CACNB2: variants seen among roughly 807,000 people sequenced by gnomAD.
CACNB2 encodes the protein voltage-dependent L-type calcium channel subunit beta-2.
In CACNB2, 42 loss-of-function variants were observed where a neutral mutation model predicts 73.3. The ratio of observed to expected loss-of-function variants is 0.57; its 90% confidence interval spans 0.45 to 0.74. The LOEUF (loss-of-function observed/expected upper bound fraction) is 0.74, where lower values mean the gene tolerates loss of function less well. CACNB2 is among the 30% of genes least tolerant of loss of function. The probability of loss-of-function intolerance (pLI) is 0.00; values close to 1 mark genes in which losing one functional copy is unlikely to be tolerated. For synonymous variants in CACNB2, 348 were observed against 310.3 expected, an observed-to-expected ratio of 1.12 and a Z score of -1.28; for missense variants, 940 against 853.0, an observed-to-expected ratio of 1.10 and a Z score of -1.27.
chr10:18,335,188 C>A (rs376264387), intron 2 of CACNB2, among the ~76,000 whole-genome samples: 1 of 151,660 alleles, frequency 6.6e-6, no homozygotes, highest in East Asian at 1.9e-4. Context: ...GATAGCCTTT[C>A]TTTTTCTATT....
chr10:18,171,567 C>T (rs1437101489), intron 2 of CACNB2, among the ~76,000 whole-genome samples: 1 of 94,916 alleles, frequency 1.1e-5, no homozygotes, highest in East Asian at 2.6e-4. Flanking sequence ...TGTTCTTCTT[C>T]ATCCTTCTTA....
In CACNB2 at chr10:18,367,559, C is replaced by G. The variant is rs181375953; in HGVS notation, c.214-34365C>G. Among the ~76,000 whole-genome samples the G allele has an allele frequency of 2.4e-3, 370 of 152,122 alleles. 2 individuals carry two copies. The highest frequency in any genetic ancestry group is 1.8e-3 in the Non-Finnish European group (120 of 67,964). On this transcript the variant is annotated intron_variant, in intron 2 of 13. Transcript: ENST00000324631. ...TTAGTAAACTGTTAGTGAAACCTCA[C>G]TGTAAGAAATGTTTCTCTTAAATGT...
intron 2 of CACNB2, among the ~76,000 whole-genome samples, chr10:18,252,535 CT>C (rs944511761): frequency 6.6e-6 from 1 of 152,100 alleles, no homozygotes; most frequent in Admixed American, 6.6e-5. Flanking sequence ...CTTTGCTTTG[CT>C]TTTTTTCTTT....
chr10:18,193,049 A>G (rs2034473671), intron 2 of CACNB2, among the ~76,000 whole-genome samples: 1 of 152,164 alleles, frequency 6.6e-6, no homozygotes, highest in Middle Eastern at 3.2e-3. Context: ...TTTATTTACA[A>G]TTCATATATA....
chr10:18,372,144 T>G (rs1291289367), intron 2 of CACNB2, among the ~76,000 whole-genome samples: 1 of 152,196 alleles, frequency 6.6e-6, no homozygotes, highest in East Asian at 1.9e-4. Flanking sequence ...TTTCTCCCAT[T>G]CTGTAGGTTG....
At chr10:18,499,216 G>A (rs1207097072) in intron 4 of CACNB2, among the ~76,000 whole-genome samples, 1 of 152,252 alleles carries the variant, frequency 6.6e-6, no homozygotes, top group East Asian at 1.9e-4. Flanking sequence ...ATTTATACTT[G>A]GAGCTCTTCC....
Position 18,368,805 on chromosome 10 carries a change from CATA to C in CACNB2, c.214-33116_214-33114del, listed in dbSNP as rs2042458453. Among the ~76,000 whole-genome samples the C allele has an allele frequency of 2.0e-5, 3 of 151,822 alleles. No individual in the cohort carries two copies. The South Asian group carries it at 6.3e-4, about 32-fold the overall frequency. ...TCATGAATAATTTGTGTCTTTTTTA[CATA>C]ATTTCAGAAACCATATGCTCTATAA... On this transcript the variant is annotated intron_variant, in intron 2 of 13. Coordinates refer to ENST00000324631, the MANE Select transcript of CACNB2 (RefSeq NM_201596.3).
rs773142253 is a variant in CACNB2, at chr10:18,140,696, G to C, written c.-41G>C. On this transcript the variant is annotated 5_prime_UTR_variant, in exon 1 of 14. Transcript: ENST00000324631. The stretch of plus-strand genomic sequence containing the variant: ...GGGGGCGAGGAGGAGGGGACCCGCC[G>C]CCGGGGGCTGGCTGCTTCGCTCCGA... 4.8e-5 allele frequency: 75 copies of C among 1,559,262 alleles called. No individual in the cohort carries two copies. The highest frequency in any genetic ancestry group is 5.4e-5 in the Non-Finnish European group (62 of 1,147,054).
chr10:18,310,822 A>G (rs1221625237), intron 2 of CACNB2, among the ~76,000 whole-genome samples: 1 of 151,698 alleles, frequency 6.6e-6, no homozygotes, highest in Non-Finnish European at 1.5e-5. Context: ...ACCTCAAGTC[A>G]TCCACCCACC....
intron 2 of CACNB2, among the ~76,000 whole-genome samples, chr10:18,306,501 C>T (rs1054397424): frequency 6.6e-6 from 1 of 152,010 alleles, no homozygotes; most frequent in Non-Finnish European, 1.5e-5. Flanking sequence ...AAATGAGGTC[C>T]TTGGAAAATG....
At chr10:18,534,372 T>C (rs910379352) in intron 11 of CACNB2, 145 bp downstream of exon 11, 5 of 759,628 alleles carry the variant, frequency 6.6e-6, no homozygotes, top group Non-Finnish European at 1.1e-5. Context: ...ATTTTTAAAT[T>C]GATATAGTTT....
At chr10:18,242,605 T>C (rs77208930) in intron 2 of CACNB2, among the ~76,000 whole-genome samples, 12,548 of 152,098 alleles carry the variant, frequency 0.082, 571 homozygotes, top group Non-Finnish European at 0.11. Flanking sequence ...TTCTACAAAT[T>C]GGTAAGGCTG....
chr10:18,253,096 A>T (rs7902194), intron 2 of CACNB2, among the ~76,000 whole-genome samples: 125,775 of 152,224 alleles, frequency 0.83, 52,641 homozygotes, highest in East Asian at 0.99. Context: ...TGCCTCAATC[A>T]CTTCGTATAT....
chr10:18,179,120 A>G (rs996546833), intron 2 of CACNB2, among the ~76,000 whole-genome samples: 1 of 152,218 alleles, frequency 6.6e-6, no homozygotes, highest in African/African-American at 2.4e-5. Flanking sequence ...TTTTATTGCA[A>G]TGTAAACTAA....
chr10:18,301,028 C>T (rs551324497), intron 2 of CACNB2, among the ~76,000 whole-genome samples: 1 of 152,210 alleles, frequency 6.6e-6, no homozygotes, highest in African/African-American at 2.4e-5. Flanking sequence ...TTGCATGTTA[C>T]CCAAAAGTGA....
chr10:18,479,603 A>G (rs573014758), intron 3 of CACNB2, among the ~76,000 whole-genome samples: 1 of 152,210 alleles, frequency 6.6e-6, no homozygotes, highest in South Asian at 2.1e-4. Context: ...GTGGGAGGTG[A>G]TTGGATCATG....
At chr10:18,465,381 T>G (rs962057363) in intron 3 of CACNB2, among the ~76,000 whole-genome samples, 2 of 152,116 alleles carry the variant, frequency 1.3e-5, no homozygotes, top group African/African-American at 4.8e-5. Context: ...TATGTACATA[T>G]AGGAATCATC....
chr10:18,516,105 C>A (rs2051250365), intron 7 of CACNB2, among the ~76,000 whole-genome samples: 1 of 151,992 alleles, frequency 6.6e-6, no homozygotes, highest in Non-Finnish European at 1.5e-5. Flanking sequence ...ATCCCAGCTA[C>A]TTGGGAGGCT....
In CACNB2 at chr10:18,541,956, C is replaced by T. The variant is rs1363771010; in HGVS notation, c.*2232C>T. ...TTCCTTGATTATTCCAAGTTCTTAC[C>T]AAATATTCTTAGCCTTTTATAAGTA... On this transcript the variant is annotated 3_prime_UTR_variant, in exon 14 of 14. Coordinates refer to ENST00000324631, the MANE Select transcript of CACNB2 (RefSeq NM_201596.3). The T allele has an allele frequency of 6.6e-6, 1 of 151,896 alleles. No homozygotes were observed. Among genetic ancestry groups the T allele is most frequent in the Admixed American group, 6.6e-5 (1 of 15,244 alleles). The allele number at this position is 151,896 out of a possible 1,614,324, so 9.4% of individuals were successfully genotyped here.
Sources: allele counts gnomAD v4.1 joint callset (sites outside exome capture counted in the v4.1 genomes callset), GRCh38; gene constraint gnomAD v4.1.1; transcripts MANE v1.5; gene names NCBI Gene and HGNC (gene_info 2026-07-23, HGNC 2026-07-21).